FAM184B: variants seen among roughly 807,000 people sequenced by gnomAD.
The protein encoded by FAM184B is family with sequence similarity 184 member B, also known as protein FAM184B.
In FAM184B, 111 loss-of-function variants were observed where a neutral mutation model predicts 135.9. The ratio of observed to expected loss-of-function variants is 0.82; its 90% CI spans 0.70 to 0.96. The LOEUF is 0.96. Among genes scored for constraint, FAM184B ranks in the 40% least tolerant of loss-of-function variants. The pLI, the probability that FAM184B is intolerant of heterozygous loss-of-function variation, is 0.00. For synonymous variants in FAM184B, 552 were observed against 524.8 expected (o/e 1.05, Z -0.71); for missense variants, 1,375 against 1,323.9 (o/e 1.04, Z -0.60).
chr4:17,692,038 C>A (rs10939754), intron 6 of FAM184B, among the ~76,000 whole-genome samples: 89,852 of 150,084 alleles, frequency 0.6, 27,452 homozygotes, highest in East Asian at 0.87. Flanking sequence ...GGCAACAGAG[C>A]GAGACTCCGT....
At chr4:17,678,370 A>G (rs1025670010) in intron 7 of FAM184B, among the ~76,000 whole-genome samples, 2 of 152,174 alleles carry the variant, frequency 1.3e-5, no homozygotes, top group Non-Finnish European at 2.9e-5. Flanking sequence ...TCTTCTATAC[A>G]CCAACATCGA....
chr4:17,775,052 A>T (rs1433107114), intron 1 of FAM184B, among the ~76,000 whole-genome samples: 1 of 127,736 alleles, frequency 7.8e-6, no homozygotes, highest in Non-Finnish European at 1.5e-5. Context: ...GCTGGAGTGC[A>T]GTGGTATGAT....
chr4:17,714,739 G>A (rs1052473380), intron 1 of FAM184B, among the ~76,000 whole-genome samples: 3 of 152,046 alleles, frequency 2.0e-5, no homozygotes, highest in Non-Finnish European at 4.4e-5. Flanking sequence ...GAAATTTAGG[G>A]GCAAGCTTCC....
chr4:17,633,843 TC>T lies in FAM184B; in HGVS notation c.2934del (p.Asn979ThrfsTer10). 6.4e-7 allele frequency: 1 copy of T among 1,551,442 alleles called. No homozygotes were observed. The highest frequency in any genetic ancestry group is 8.7e-7 in the Non-Finnish European group (1 of 1,146,938). ...EDVPSRVVSV[P>X]NLASYAKNFL... is the part of the protein sequence containing the mutation. ...AAGTTCTTTGCATAGGAGGCGAGGT[TC>T]GGCACGCTGACCACGCGGCTGGGCA... On this transcript the variant is annotated frameshift_variant, in exon 17 of 18. Transcript: ENST00000265018. LOFTEE classifies it high-confidence loss of function.
chr4:17,661,768 G>C (rs773440199), intron 8 of FAM184B, among the ~76,000 whole-genome samples: 2 of 152,148 alleles, frequency 1.3e-5, no homozygotes, highest in Non-Finnish European at 2.9e-5. Context: ...GAGCAGCCTC[G>C]GTCAAGAGTG....
chr4:17,703,467 C>T (rs1717033700), intron 5 of FAM184B, among the ~76,000 whole-genome samples: 1 of 150,740 alleles, frequency 6.6e-6, no homozygotes, highest in Non-Finnish European at 1.5e-5. Context: ...CAATGCACTC[C>T]AGCCTGGGCA....
At position 17,781,488 on chromosome 4, in the gene FAM184B, A is replaced by C; in HGVS notation, c.-189T>G. ...GCCTCCCGGGCCCACCCGCGCGCCC[A>C]CCCTTTTTCCTCTCCTGCTGGTTCT... On this transcript the variant is annotated 5_prime_UTR_variant, in exon 1 of 18. Transcript: ENST00000265018. The surrounding 1 kb of genome is among the most constrained non-coding windows in gnomAD (Gnocchi z 6.5). The C allele has an allele frequency of 3.1e-6, 2 of 651,812 alleles. No homozygotes were observed. The highest frequency in any genetic ancestry group is 4.7e-6 in the Non-Finnish European group (2 of 428,296). The allele number at this position is 651,812 out of a possible 1,614,324, so 40.4% of individuals were successfully genotyped here.
At chr4:17,644,974 C>G (rs530068407) in intron 12 of FAM184B, among the ~76,000 whole-genome samples, 1 of 152,232 alleles carries the variant, frequency 6.6e-6, no homozygotes, top group Admixed American at 6.5e-5. Context: ...TGAGTGAACT[C>G]CCATTCACAA....
chr4:17,777,971 C>T (rs758504959), intron 1 of FAM184B, among the ~76,000 whole-genome samples: 12 of 151,752 alleles, frequency 7.9e-5, no homozygotes, highest in South Asian at 2.1e-4. Context: ...CATGGTGGCT[C>T]ATGCTTGTAG....
chr4:17,645,895 A>G (rs1394675328), intron 12 of FAM184B, among the ~76,000 whole-genome samples: 1 of 151,898 alleles, frequency 6.6e-6, no homozygotes, highest in East Asian at 1.9e-4. Flanking sequence ...AAAACAAACA[A>G]CCCCATCAAC....
chr4:17,751,029 C>T (rs1035358877), intron 1 of FAM184B, among the ~76,000 whole-genome samples: 7 of 151,708 alleles, frequency 4.6e-5, no homozygotes, highest in Admixed American at 3.3e-4. Context: ...CACATAGGGC[C>T]GGGTGCGGTG....
chr4:17,743,015 C>T (rs74686685), intron 1 of FAM184B, among the ~76,000 whole-genome samples: 4 of 152,200 alleles, frequency 2.6e-5, no homozygotes, highest in African/African-American at 7.2e-5. Context: ...GAGGAGTGGC[C>T]GGCCATTCCA....
chr4:17,734,931 C>G (rs1375295647), intron 1 of FAM184B, among the ~76,000 whole-genome samples: 1 of 152,136 alleles, frequency 6.6e-6, no homozygotes, highest in Non-Finnish European at 1.5e-5. Context: ...GGAACCAACT[C>G]AAATGTCCAG....
intron 1 of FAM184B, among the ~76,000 whole-genome samples, chr4:17,744,276 G>A (rs1718108026): frequency 1.3e-5 from 2 of 152,006 alleles, no homozygotes; most frequent in Non-Finnish European, 2.9e-5. Context: ...CTGGGAGAAG[G>A]TGCAATAGAC....
intron 7 of FAM184B, among the ~76,000 whole-genome samples, chr4:17,674,984 ATTG>A (rs1448307618): frequency 6.6e-6 from 1 of 151,840 alleles, no homozygotes; most frequent in Non-Finnish European, 1.5e-5. Flanking sequence ...TCAAACTCTT[ATTG>A]TTGTTTTTTA....
chr4:17,646,201 C>T (rs917474454), intron 12 of FAM184B, among the ~76,000 whole-genome samples: 172 of 152,098 alleles, frequency 1.1e-3, no homozygotes, highest in Non-Finnish European at 1.9e-3. Flanking sequence ...ACTAGAAATA[C>T]CATTTGACCC....
chr4:17,660,811 G>A (rs1363381859), intron 8 of FAM184B, among the ~76,000 whole-genome samples: 1 of 152,098 alleles, frequency 6.6e-6, no homozygotes, highest in African/African-American at 2.4e-5. Flanking sequence ...ACATGGTGGG[G>A]TTCTCTGGAG....
intron 1 of FAM184B, among the ~76,000 whole-genome samples, chr4:17,766,139 G>A (rs1718680732): frequency 6.6e-6 from 1 of 152,226 alleles, no homozygotes; most frequent in South Asian, 2.1e-4. Flanking sequence ...GGTTGCCATT[G>A]CTGGGTCAGG....
intron 7 of FAM184B, among the ~76,000 whole-genome samples, chr4:17,686,583 C>A (rs1488652600): frequency 6.6e-6 from 1 of 152,198 alleles, no homozygotes; most frequent in African/African-American, 2.4e-5. Context: ...TGACTGTGGG[C>A]AGGTCACCTG....
Sources: allele counts gnomAD v4.1 joint callset (sites outside exome capture counted in the v4.1 genomes callset), GRCh38; gene constraint gnomAD v4.1.1; non-coding constraint Gnocchi (gnomAD v3.1); transcripts MANE v1.5; gene names NCBI Gene and HGNC (gene_info 2026-07-23, HGNC 2026-07-21).